Variants in UPRT observed in about 807,000 individuals in gnomAD.
The protein encoded by UPRT is RP11-311P8.3.
A neutral mutation model predicts 22.6 loss-of-function variants in UPRT; 5 were observed. The ratio of observed to expected loss-of-function variants is 0.22; its 90% CI spans 0.12 to 0.47. The LOEUF is 0.47. Ranked by LOEUF, UPRT falls within the 20% of genes least tolerant of loss-of-function variation. The probability of loss-of-function intolerance (pLI) is 0.99; values close to 1 mark genes in which losing one functional copy is unlikely to be tolerated. For missense variants in UPRT, 181 were observed against 239.9 expected, an observed-to-expected ratio of 0.75 and a Z score of 1.62; for synonymous variants, 77 against 87.7, an observed-to-expected ratio of 0.88 and a Z score of 0.68.
At chrX:75,260,036 CT>C (rs1432517912) in intron 4 of UPRT, among the ~76,000 whole-genome samples, 5 of 111,798 alleles carry the variant, frequency 4.5e-5, no homozygotes, top group Admixed American at 9.5e-5. Flanking sequence ...AAATAAAATC[CT>C]TTACAGACAA....
chrX:75,188,185 T>A (rs972845100), intron 4 of UPRT, among the ~76,000 whole-genome samples: 1 of 112,062 alleles, frequency 8.9e-6, no homozygotes, highest in African/African-American at 3.2e-5. Context: ...ATGATGGTGA[T>A]GTACAGAAGG....
At chrX:75,184,044 A>G (rs10126990) in intron 4 of UPRT, among the ~76,000 whole-genome samples, 1,475 of 111,807 alleles carry the variant, frequency 0.013, 16 homozygotes, top group African/African-American at 0.046. Context: ...CCCATTTGTC[A>G]ATTTTGGCTT....
In UPRT at chrX:75,200,515, A is replaced by T. The variant is rs769076934; in HGVS notation, c.-447+32636A>T. Reference sequence around the variant, plus strand: ...AGACTGAGGCATGAGAATCACTTGAACCCAAGAGCCGGAGATTGCAGTGAG... The same window carrying T: ...AGACTGAGGCATGAGAATCACTTGATCCCAAGAGCCGGAGATTGCAGTGAG... On this transcript the variant is annotated intron_variant, in intron 4 of 13. Coordinates refer to the UPRT transcript ENST00000652605. Among the ~76,000 whole-genome samples, 10 of 111,863 alleles carry T rather than the reference A, an allele frequency of 8.9e-5. No homozygotes were observed. The East Asian group carries it at 2.0e-3, about 22-fold the overall frequency.
At chrX:75,240,294 C>A (rs1450407683) in intron 4 of UPRT, among the ~76,000 whole-genome samples, 1 of 111,160 alleles carries the variant, frequency 9.0e-6, no homozygotes, top group Admixed American at 9.6e-5. Flanking sequence ...CACTGCTATA[C>A]ACCAGCAGTG....
intron 4 of UPRT, among the ~76,000 whole-genome samples, chrX:75,194,006 G>A (rs1272145843): frequency 8.9e-6 from 1 of 112,057 alleles, no homozygotes; most frequent in Admixed American, 9.5e-5. Context: ...GAAGTAGTAT[G>A]GTCATTTGGA....
chrX:75,185,591 G>C (rs1020059291), intron 4 of UPRT, among the ~76,000 whole-genome samples: 1 of 112,044 alleles, frequency 8.9e-6, no homozygotes, highest in Non-Finnish European at 1.9e-5. Context: ...GTTTCAGAAG[G>C]AATGGTACCA....
chrX:75,217,868 C>T (rs902540226), intron 4 of UPRT, among the ~76,000 whole-genome samples: 5 of 111,995 alleles, frequency 4.5e-5, no homozygotes, highest in African/African-American at 1.6e-4. Flanking sequence ...CTTCCTTACA[C>T]CTTATACAAA....
chrX:75,263,216 C>T (rs992750690), intron 4 of UPRT, among the ~76,000 whole-genome samples: 2 of 111,228 alleles, frequency 1.8e-5, no homozygotes, highest in Non-Finnish European at 3.8e-5. Context: ...TTTGGTATCA[C>T]GATGATGCTG....
In UPRT at chrX:75,304,107, T is replaced by C. The variant is rs1361726101; in HGVS notation, c.*596T>C. The C allele has an allele frequency of 8.9e-6, 1 of 112,080 alleles. No homozygotes were observed. The highest frequency in any genetic ancestry group is 1.9e-5 in the Non-Finnish European group (1 of 53,270). 9.2% of individuals were successfully genotyped at this position (112,080 alleles called of 1,213,427 possible). ...TTCATGGCTCATTTCCCAAACTGCA[T>C]TGTTGGTAGGTGCCTTGCTAAGCTG... On this transcript the variant is annotated 3_prime_UTR_variant, in exon 7 of 7. Coordinates refer to ENST00000373383, the MANE Select transcript of UPRT (RefSeq NM_145052.4).
intron 4 of UPRT, among the ~76,000 whole-genome samples, chrX:75,245,201 A>C (rs2082500446): frequency 9.1e-6 from 1 of 110,122 alleles, no homozygotes; most frequent in South Asian, 3.9e-4. Flanking sequence ...ATCATTAGAG[A>C]AATGCAAATC....
intron 4 of UPRT, among the ~76,000 whole-genome samples, chrX:75,237,766 G>A (rs1332287101): frequency 4.3e-5 from 4 of 92,829 alleles, no homozygotes; most frequent in Admixed American, 2.6e-4. Context: ...CATGGACACA[G>A]GAAGGGGAAC....
At chrX:75,203,518 A>T (rs778086289) in intron 4 of UPRT, among the ~76,000 whole-genome samples, 11 of 100,899 alleles carry the variant, frequency 1.1e-4, no homozygotes, top group African/African-American at 3.3e-4. Context: ...ACACACACTC[A>T]CACACACACA....
At chrX:75,242,655 C>T (rs1025530649) in intron 4 of UPRT, among the ~76,000 whole-genome samples, 1 of 110,394 alleles carries the variant, frequency 9.1e-6, no homozygotes, top group African/African-American at 3.3e-5. Context: ...TCTGTAAAAT[C>T]GAGATAACAA....
chrX:75,208,773 G>A (rs1453342596), intron 4 of UPRT, among the ~76,000 whole-genome samples: 1 of 111,406 alleles, frequency 9.0e-6, no homozygotes, highest in African/African-American at 3.3e-5. Context: ...CTGGGTTAAG[G>A]GGATATTGAG....
chrX:75,215,855 A>T (rs766940906), intron 4 of UPRT, among the ~76,000 whole-genome samples: 1 of 111,419 alleles, frequency 9.0e-6, no homozygotes, highest in African/African-American at 3.2e-5. Context: ...ACTAAAAATA[A>T]TTTTAAAATA....
At chrX:75,285,211 C>G (rs1328532018) in intron 1 of UPRT, among the ~76,000 whole-genome samples, 1 of 111,404 alleles carries the variant, frequency 9.0e-6, no homozygotes, top group Non-Finnish European at 1.9e-5. Context: ...GAAAAATTGC[C>G]CAGACTACCT....
intron 4 of UPRT, among the ~76,000 whole-genome samples, chrX:75,207,004 T>C (rs1189161940): frequency 8.9e-6 from 1 of 112,451 alleles, no homozygotes; most frequent in Non-Finnish European, 1.9e-5. Context: ...GCTGCCAAAT[T>C]TGCTAAAACC....
intron 1 of UPRT, among the ~76,000 whole-genome samples, chrX:75,286,311 G>GGA (rs1167520558): frequency 1.2e-5 from 1 of 85,251 alleles, no homozygotes; most frequent in Non-Finnish European, 2.2e-5. Flanking sequence ...TTACTTGGGG[G>GGA]GGGGGTGGGT....
At chrX:75,158,556 C>G (rs184159874) in intron 1 of UPRT, among the ~76,000 whole-genome samples, 1 of 111,582 alleles carries the variant, frequency 9.0e-6, no homozygotes, top group Non-Finnish European at 1.9e-5. Context: ...GGCCACAGAG[C>G]TAATGGGATG....
Sources: gnomAD v4.1 joint callset for allele counts (sites outside exome capture counted in the v4.1 genomes callset) on GRCh38, gnomAD v4.1.1 for gene constraint, MANE v1.5 for transcripts, NCBI Gene and HGNC (gene_info 2026-07-23, HGNC 2026-07-21) for gene names.